UGT1A10: variants seen among roughly 807,000 people sequenced by gnomAD.
UGT1A10 encodes UDP glucuronosyltransferase family 1 member A10.
Under a neutral mutation model 45.8 loss-of-function variants are expected in UGT1A10, and 49 were observed. The ratio of observed to expected loss-of-function variants is 1.07; its 90% CI spans 0.85 to 1.36. The LOEUF (loss-of-function observed/expected upper bound fraction) is 1.36, where lower values mean the gene tolerates loss of function less well. Among genes scored for constraint, UGT1A10 ranks in the 40% most tolerant of loss-of-function variants. The probability of loss-of-function intolerance (pLI) is 0.00; values close to 1 mark genes in which losing one functional copy is unlikely to be tolerated. For missense variants in UGT1A10, 745 were observed against 668.6 expected, an observed-to-expected ratio of 1.11 and a Z score of -1.26; for synonymous variants, 284 against 249.7, an observed-to-expected ratio of 1.14 and a Z score of -1.29.
At chr2:233,671,066 A>T (rs1445904551) in intron 1 of UGT1A10, among the ~76,000 whole-genome samples, 2 of 152,198 alleles carry the variant, frequency 1.3e-5, no homozygotes, top group African/African-American at 4.8e-5. Flanking sequence ...CTGTGAAAGG[A>T]GGGTGAAAAC....
At chr2:233,724,339 G>GA in intron 1 of UGT1A10, among the ~76,000 whole-genome samples, 1 of 142,786 alleles carries the variant, frequency 7.0e-6, no homozygotes, top group East Asian at 2.2e-4. Context: ...GCGGGGGGCT[G>GA]ACCCCCCCCA....
chr2:233,718,848 C>A, intron 1 of UGT1A10: 1 of 1,613,708 alleles, frequency 6.2e-7, no homozygotes, highest in Non-Finnish European at 8.5e-7. Flanking sequence ...GGTTCCCCTG[C>A]CGCGGCTGGC....
chr2:233,655,521 C>T (rs1470381651), intron 1 of UGT1A10, among the ~76,000 whole-genome samples: 1 of 152,172 alleles, frequency 6.6e-6, no homozygotes, highest in South Asian at 2.1e-4. Context: ...CAATGGGTGA[C>T]AAGTTCCTTC....
intron 1 of UGT1A10, among the ~76,000 whole-genome samples, chr2:233,704,038 G>A (rs1347198541): frequency 6.6e-6 from 1 of 151,800 alleles, no homozygotes; most frequent in Non-Finnish European, 1.5e-5. Flanking sequence ...CTACAGGTGT[G>A]CACCAACATG....
rs1437510882 is a variant in UGT1A10 at position 233,713,518 on chromosome 2, T to C, written c.856-53516T>C. On this transcript the variant is annotated intron_variant, in intron 1 of 4. Transcript: ENST00000344644. ...CCTGCTGTGTTTTTCTTGAGGAACA[T>C]TCCATGTGATTTAGACTTTAAGGGC... is the stretch of plus-strand genomic sequence containing the variant. 3 of 1,613,936 alleles carry C rather than the reference T, an allele frequency of 1.9e-6. No individual in the cohort carries two copies. In the South Asian group the frequency reaches 3.3e-5, roughly 18 times the overall value.
chr2:233,765,029 G>A (rs1326471824), intron 1 of UGT1A10, among the ~76,000 whole-genome samples: 1 of 152,048 alleles, frequency 6.6e-6, no homozygotes, highest in Non-Finnish European at 1.5e-5. Flanking sequence ...CAGGAGTCCT[G>A]CTGTGCAAAT....
chr2:233,716,312 G>A (rs1303311282), intron 1 of UGT1A10, among the ~76,000 whole-genome samples: 1 of 152,118 alleles, frequency 6.6e-6, no homozygotes, highest in African/African-American at 2.4e-5. Flanking sequence ...TCTTCCACCT[G>A]TAATGGAATA....
At chr2:233,713,658 C>G (rs376312935) in intron 1 of UGT1A10, 4 of 1,613,836 alleles carry the variant, frequency 2.5e-6, no homozygotes, top group Non-Finnish European at 2.5e-6. Context: ...CCTGTCCTAC[C>G]TTTGCCATGC....
chr2:233,772,274 C>T lies in UGT1A10; in HGVS notation c.1308C>T (p.Asn436=), dbSNP rs754238953. Residue 436 remains asparagine, a synonymous_variant, in exon 5 of 5, where the codon AAC becomes AAT. Coordinates refer to ENST00000344644, the MANE Select transcript of UGT1A10 (RefSeq NM_019075.4). ...TCTTTGTGTTTAGTTACAAGGAGAA[C>T]ATCATGCGCCTCTCCAGCCTTCACA... The part of the protein sequence containing the change: ...AVINDKSYKE[N]IMRLSSLHKD... 1.5e-5 allele frequency: 25 copies of T among 1,614,248 alleles called. No individual in the cohort carries two copies. The South Asian group carries it at 1.8e-4, about 11-fold the overall frequency.
chr2:233,713,150 G>C (rs190570057), intron 1 of UGT1A10: 82 of 1,614,120 alleles, frequency 5.1e-5, no homozygotes, highest in Non-Finnish European at 6.3e-5. Flanking sequence ...ACCTCCATGC[G>C]AGAGGCCACC....
At chr2:233,685,065 G>A (rs2074720331) in intron 1 of UGT1A10, among the ~76,000 whole-genome samples, 1 of 152,116 alleles carries the variant, frequency 6.6e-6, no homozygotes, top group Admixed American at 6.6e-5. Context: ...GCTCTGCACA[G>A]GAGATTTTTT....
chr2:233,755,320 T>A, intron 1 of UGT1A10: 1 of 508,264 alleles, frequency 2.0e-6, no homozygotes, highest in Non-Finnish European at 3.2e-6. Context: ...GCGGCAAGGC[T>A]GCCAGCACCC....
At chr2:233,740,742 A>T (rs1322255847) in intron 1 of UGT1A10, 3 of 151,738 alleles carry the variant, frequency 2.0e-5, no homozygotes, top group African/African-American at 4.9e-5. Context: ...GCCCCCTTTT[A>T]CACTCTGAAA....
At chr2:233,725,179 G>GAGAGGCAGAGGCAGAGGCAGAGGC (rs879478240) in intron 1 of UGT1A10, among the ~76,000 whole-genome samples, 3 of 67,606 alleles carry the variant, frequency 4.4e-5, no homozygotes, top group Non-Finnish European at 8.4e-5. Context: ...AGACCGTGGG[G>GAGAGGCAGAGGCAGAGGCAGAGGC]AGAGGCAGAG....
chr2:233,713,808 A>G, intron 1 of UGT1A10: 2 of 1,614,048 alleles, frequency 1.2e-6, no homozygotes, highest in Non-Finnish European at 1.7e-6. Flanking sequence ...CATGCCCAAC[A>G]TGGTCTTCAT....
chr2:233,668,828 G>T (rs565614777), intron 1 of UGT1A10, among the ~76,000 whole-genome samples: 3 of 152,246 alleles, frequency 2.0e-5, no homozygotes, highest in Admixed American at 6.5e-5. Flanking sequence ...TCTTTTCTGG[G>T]ATCCCATCCA....
intron 1 of UGT1A10, among the ~76,000 whole-genome samples, chr2:233,719,880 G>C (rs28898611): frequency 0.021 from 3,198 of 152,256 alleles, 101 homozygotes; most frequent in African/African-American, 0.073. Context: ...GAAGAGGCAC[G>C]GATGAGGGTC....
intron 1 of UGT1A10, chr2:233,682,159 G>A: frequency 6.2e-7 from 1 of 1,614,210 alleles, no homozygotes; most frequent in South Asian, 1.1e-5. Flanking sequence ...ATTGCACAGT[G>A]AAGACTTACT....
intron 1 of UGT1A10, chr2:233,760,991 C>T (rs1247729976): frequency 1.2e-6 from 2 of 1,614,072 alleles, no homozygotes; most frequent in Non-Finnish European, 1.7e-6. Flanking sequence ...ACCCTTGCCT[C>T]AGAATTCCTT....
Sources: gnomAD v4.1 joint callset for allele counts (sites outside exome capture counted in the v4.1 genomes callset) on GRCh38, gnomAD v4.1.1 for gene constraint, MANE v1.5 for transcripts, NCBI Gene and HGNC (gene_info 2026-07-23, HGNC 2026-07-21) for gene names.